The following STPG2 variants were observed in gnomAD, a reference collection of about 807,000 sequenced individuals.
STPG2 encodes sperm-tail PG-rich repeat-containing protein 2.
In STPG2, 56 loss-of-function variants were observed where a neutral mutation model predicts 54.2. The ratio of observed to expected loss-of-function variants is 1.03; its 90% CI spans 0.83 to 1.29. STPG2 has a LOEUF of 1.29. STPG2 is among the 50% of genes most tolerant of loss of function. The probability of loss-of-function intolerance (pLI) is 0.00; values close to 1 mark genes in which losing one functional copy is unlikely to be tolerated. For synonymous variants in STPG2, 200 were observed against 181.8 expected (o/e 1.10, Z -0.81); for missense variants, 596 against 544.9 (o/e 1.09, Z -0.93).
intron 5 of STPG2, among the ~76,000 whole-genome samples, chr4:98,056,641 C>T (rs189552349): frequency 9.9e-4 from 151 of 151,922 alleles, no homozygotes; most frequent in African/African-American, 3.3e-3. Flanking sequence ...AAAAAACACA[C>T]ACATCCAAAG....
intron 9 of STPG2, among the ~76,000 whole-genome samples, chr4:97,816,104 C>G (rs1250744687): frequency 6.6e-6 from 1 of 152,094 alleles, no homozygotes; most frequent in African/African-American, 2.4e-5. Context: ...TTGTTCAACT[C>G]CCAATTATGA....
chr4:97,519,815 G>A (rs551230156), intron 4 of STPG2, among the ~76,000 whole-genome samples: 1 of 152,090 alleles, frequency 6.6e-6, no homozygotes, highest in African/African-American at 2.4e-5. Context: ...AAGGAAGAGG[G>A]AACAAGAGGT....
intron 5 of STPG2, among the ~76,000 whole-genome samples, chr4:97,995,349 T>C (rs1040151418): frequency 2.6e-5 from 4 of 152,158 alleles, no homozygotes; most frequent in Non-Finnish European, 5.9e-5. Context: ...TGAATTCTCA[T>C]GGCTTTCCCG....
intron 4 of STPG2, among the ~76,000 whole-genome samples, chr4:97,466,068 C>A (rs1729781954): frequency 6.6e-6 from 1 of 151,934 alleles, no homozygotes; most frequent in Non-Finnish European, 1.5e-5. Context: ...CTACAAGGTT[C>A]CAGGGTTTTA....
chr4:97,629,750 A>C (rs1219359036), intron 10 of STPG2, among the ~76,000 whole-genome samples: 1 of 152,014 alleles, frequency 6.6e-6, no homozygotes, highest in Non-Finnish European at 1.5e-5. Context: ...GAGTAGCAGT[A>C]GCATCTTGAA....
At chr4:97,618,493 A>G (rs1053132072) in intron 10 of STPG2, among the ~76,000 whole-genome samples, 1 of 152,222 alleles carries the variant, frequency 6.6e-6, no homozygotes, top group Non-Finnish European at 1.5e-5. Flanking sequence ...TAGGTAATAG[A>G]TATGGAAATA....
At chr4:97,990,076 C>T (rs1734957266) in intron 5 of STPG2, among the ~76,000 whole-genome samples, 1 of 152,166 alleles carries the variant, frequency 6.6e-6, no homozygotes, top group African/African-American at 2.4e-5. Flanking sequence ...GTGGTCACTA[C>T]TAGAGGTCAT....
intron 3 of STPG2, among the ~76,000 whole-genome samples, chr4:98,115,662 C>T (rs1739496286): frequency 6.6e-6 from 1 of 151,938 alleles, no homozygotes; most frequent in South Asian, 2.1e-4. Context: ...ACTAAACCCA[C>T]ATATAGTATT....
chr4:98,029,519 C>T (rs562960592), intron 5 of STPG2, among the ~76,000 whole-genome samples: 1 of 152,246 alleles, frequency 6.6e-6, no homozygotes, highest in African/African-American at 2.4e-5. Flanking sequence ...GATGCTTGCA[C>T]AATATATCAC....
chr4:97,462,897 G>T (rs1729698923), intron 4 of STPG2, among the ~76,000 whole-genome samples: 1 of 151,928 alleles, frequency 6.6e-6, no homozygotes, highest in Admixed American at 6.6e-5. Flanking sequence ...GTTATAACTG[G>T]CATTCCTGAT....
At chr4:97,698,703 A>T (rs1053567031) in intron 10 of STPG2, among the ~76,000 whole-genome samples, 1 of 152,176 alleles carries the variant, frequency 6.6e-6, no homozygotes, top group Non-Finnish European at 1.5e-5. Flanking sequence ...AGGCTGATTC[A>T]GAGCATTCAT....
chr4:97,683,550 A>G (rs2148981393), intron 10 of STPG2, among the ~76,000 whole-genome samples: 1 of 151,902 alleles, frequency 6.6e-6, no homozygotes, highest in Non-Finnish European at 1.5e-5. Flanking sequence ...ATTCAGAAAA[A>G]CATTTGACAA....
intron 5 of STPG2, among the ~76,000 whole-genome samples, chr4:97,989,504 CAATA>C (rs1734944952): frequency 6.6e-6 from 1 of 152,014 alleles, no homozygotes; most frequent in Non-Finnish European, 1.5e-5. Flanking sequence ...AGATTAATAA[CAATA>C]ATTAATAAAA....
intron 5 of STPG2, among the ~76,000 whole-genome samples, chr4:98,033,180 A>G (rs1736655781): frequency 6.6e-6 from 1 of 152,098 alleles, no homozygotes; most frequent in Non-Finnish European, 1.5e-5. Flanking sequence ...TTTTTTGAAA[A>G]GATCAACAAA....
chr4:97,944,106 C>T lies in STPG2; in HGVS notation c.934-99G>A, dbSNP rs1398618021. 3 of 764,136 alleles carry T rather than the reference C, an allele frequency of 3.9e-6. No homozygotes were observed. The East Asian group carries it at 8.3e-5, about 21-fold the overall frequency. The allele number at this position is 764,136 out of a possible 1,614,324, so 47.3% of individuals were successfully genotyped here. A position where few individuals can be genotyped will look rare whatever the true frequency, so the allele number is the denominator to read the frequency against. ...TTGCAATGAAGTTCATCAGTATTAT[C>T]TGGCATTAAATAAAGACACATATTC... On this transcript the variant is annotated intron_variant, in intron 7 of 10. Coordinates refer to ENST00000295268, the MANE Select transcript of STPG2 (RefSeq NM_174952.3).
intron 4 of STPG2, among the ~76,000 whole-genome samples, chr4:97,544,838 A>G (rs1416107694): frequency 1.3e-5 from 2 of 152,140 alleles, no homozygotes; most frequent in Non-Finnish European, 2.9e-5. Context: ...ATTACCCAGC[A>G]GAAAGCAGAC....
At chr4:97,828,103 G>A (rs2149109652) in intron 9 of STPG2, among the ~76,000 whole-genome samples, 1 of 152,270 alleles carries the variant, frequency 6.6e-6, no homozygotes, top group East Asian at 1.9e-4. Flanking sequence ...ATGGCAAGAT[G>A]GCCAAATAGG....
intron 10 of STPG2, among the ~76,000 whole-genome samples, chr4:97,695,489 G>A (rs1234990658): frequency 4.4e-4 from 67 of 152,166 alleles, no homozygotes; most frequent in Admixed American, 4.4e-3. Flanking sequence ...GGAAGTCCTA[G>A]TCAGAGTAAT....
intron 10 of STPG2, among the ~76,000 whole-genome samples, chr4:97,618,553 C>A (rs565961714): frequency 6.6e-6 from 1 of 152,042 alleles, no homozygotes; most frequent in South Asian, 2.1e-4. Flanking sequence ...AAATGACAAA[C>A]CTTGAATAAA....
Sources: allele counts gnomAD v4.1 joint callset (sites outside exome capture counted in the v4.1 genomes callset), GRCh38; gene constraint gnomAD v4.1.1; transcripts MANE v1.5; gene names NCBI Gene and HGNC (gene_info 2026-07-23, HGNC 2026-07-21).